Variants in USP4 observed in about 807,000 individuals in gnomAD.
USP4 encodes ubiquitin specific peptidase 4, also known as ubiquitin carboxyl-terminal hydrolase 4.
A neutral mutation model predicts 118.2 loss-of-function variants in USP4; 72 were observed. The ratio of observed to expected loss-of-function variants is 0.61; its 90% CI spans 0.50 to 0.74. USP4 has a LOEUF of 0.74. Ranked by LOEUF, USP4 falls within the 30% of genes least tolerant of loss-of-function variation. The probability of loss-of-function intolerance (pLI) is 0.00; values close to 1 mark genes in which losing one functional copy is unlikely to be tolerated. For missense variants in USP4, 1,037 were observed against 1,185.7 expected, an observed-to-expected ratio of 0.87 and a Z score of 1.84; for synonymous variants, 415 against 440.4, an observed-to-expected ratio of 0.94 and a Z score of 0.72.
chr3:49,295,714 G>GCGCACACACACACACACACACA lies in USP4; in HGVS notation c.1692-1117_1692-1116insTGTGTGTGTGTGTGTGTGTGCG, dbSNP rs149459963. On this transcript the variant is annotated intron_variant, in intron 13 of 21. Coordinates refer to ENST00000265560, the MANE Select transcript of USP4 (RefSeq NM_003363.4). ...CATATGCACGTGTGCGCGCGCGCGC[G>GCGCACACACACACACACACACA]CACACACACACACACACACACCCCC... 7.4e-4 allele frequency among the ~76,000 whole-genome samples: 110 copies of GCGCACACACACACACACACACA among 148,392 alleles called. 1 individual carries two copies. The highest frequency in any genetic ancestry group is 2.8e-3 in the African/African-American group (108 of 38,452).
chr3:49,339,033 G>C (rs968524807), intron 1 of USP4, among the ~76,000 whole-genome samples: 14 of 152,096 alleles, frequency 9.2e-5, no homozygotes, highest in African/African-American at 3.1e-4. Flanking sequence ...TGTAATCCCA[G>C]CTACTCGGGA....
intron 17 of USP4, 29 bp downstream of exon 17, chr3:49,284,820 C>T (rs767985430): frequency 5.0e-6 from 8 of 1,607,774 alleles, no homozygotes; most frequent in Middle Eastern, 1.7e-4. Context: ...CCAGCAGACA[C>T]CACCGACCAC....
intron 3 of USP4, 97 bp from the exon 4 acceptor site, chr3:49,325,942 T>C: frequency 6.9e-7 from 1 of 1,456,386 alleles, no homozygotes; most frequent in Non-Finnish European, 9.4e-7. Context: ...AGAAAACTCA[T>C]GATAATCCAT....
At chr3:49,292,682 G>T in intron 14 of USP4, 84 bp from the exon 15 acceptor site, 1 of 930,956 alleles carries the variant, frequency 1.1e-6, no homozygotes, top group Non-Finnish European at 1.6e-6. Context: ...CTAAGAAGTA[G>T]TTCATAATTT....
At chr3:49,290,356 G>A (rs1167309464) in intron 15 of USP4, among the ~76,000 whole-genome samples, 1 of 152,220 alleles carries the variant, frequency 6.6e-6, no homozygotes, top group Non-Finnish European at 1.5e-5. Context: ...TGAGGCTGCA[G>A]TAAGCCAAGA....
chr3:49,331,869 A>G lies in USP4; in HGVS notation c.229+3600T>C, dbSNP rs1454663786. 7.2e-5 allele frequency among the ~76,000 whole-genome samples: 11 copies of G among 151,782 alleles called. No homozygotes were observed. The East Asian group carries it at 2.1e-3, about 29-fold the overall frequency. On this transcript the variant is annotated intron_variant, in intron 2 of 21. Coordinates refer to ENST00000265560, the MANE Select transcript of USP4 (RefSeq NM_003363.4). ...TGAATCTGGCCGGACAGAGTGGCTC[A>G]TGCCTATAATCCCAGCACTTTGAGA...
chr3:49,281,476 G>GTGTATATA (rs750956022), intron 19 of USP4, among the ~76,000 whole-genome samples: 2 of 105,930 alleles, frequency 1.9e-5, no homozygotes, highest in African/African-American at 6.5e-5. Context: ...AAAAGTATGT[G>GTGTATATA]TATATATATA....
chr3:49,339,052 C>T (rs954855956), intron 1 of USP4, among the ~76,000 whole-genome samples: 1 of 152,164 alleles, frequency 6.6e-6, no homozygotes. Flanking sequence ...GAGGCTGAGG[C>T]AGGAGAATCG....
chr3:49,286,728 ACTAT>A (rs532011601), intron 15 of USP4, among the ~76,000 whole-genome samples: 27 of 151,986 alleles, frequency 1.8e-4, no homozygotes, highest in Non-Finnish European at 3.4e-4. Context: ...GGTAAGAAAC[ACTAT>A]CTATCTTCCA....
At chr3:49,278,957 A>G in intron 20 of USP4, 55 bp from the exon 21 acceptor site, 4 of 1,274,050 alleles carry the variant, frequency 3.1e-6, no homozygotes, top group Non-Finnish European at 4.4e-6. Context: ...TAATCTGGCT[A>G]GCTTATTAGG....
intron 4 of USP4, 42 bp downstream of exon 4, chr3:49,325,677 A>C (rs571331750): frequency 6.2e-7 from 1 of 1,608,252 alleles, no homozygotes; most frequent in Non-Finnish European, 8.5e-7. Flanking sequence ...AATGTCCTAC[A>C]CTCTCTCACC....
intron 19 of USP4, among the ~76,000 whole-genome samples, chr3:49,281,527 CACACAT>C (rs1310040612): frequency 1.0e-3 from 150 of 148,130 alleles, no homozygotes; most frequent in African/African-American, 2.6e-3. Flanking sequence ...CACACACACA[CACACAT>C]ATATACATTT....
intron 7 of USP4, among the ~76,000 whole-genome samples, chr3:49,311,177 G>T (rs962970417): frequency 4.3e-4 from 13 of 30,388 alleles, no homozygotes; most frequent in African/African-American, 9.8e-4. Flanking sequence ...AAAGGATCAC[G>T]GCCATCCACA....
chr3:49,278,496 C>A, intron 21 of USP4, 45 bp from the exon 22 acceptor site: 2 of 1,589,814 alleles, frequency 1.3e-6, no homozygotes, highest in South Asian at 1.1e-5. Flanking sequence ...TTGGAAAAAT[C>A]ACCCATTTTC....
At chr3:49,292,473 T>C in intron 15 of USP4, 37 bp downstream of exon 15, 1 of 1,339,998 alleles carries the variant, frequency 7.5e-7, no homozygotes, top group East Asian at 2.5e-5. Flanking sequence ...AGGAGGTATT[T>C]GGTCAGTCAC....
At chr3:49,337,330 A>G (rs1468607029) in intron 1 of USP4, among the ~76,000 whole-genome samples, 4 of 152,158 alleles carry the variant, frequency 2.6e-5, no homozygotes, top group Non-Finnish European at 4.4e-5. Context: ...ACACATACAC[A>G]TGTACATATA....
In USP4 at chr3:49,310,694, A is replaced by T. The variant is rs1465266413; in HGVS notation, c.880T>A (p.Ser294Thr). The part of the protein sequence containing the change: ...SASYNCQEPP[S>T]SHIQPGLCGL... ...CAGAGCCCAGGTTGTATATGAGAGG[A>T]TGGTGGCTCCTGACAATTATACGAA... The change falls in exon 8 of 22, where the codon TCC (serine) becomes ACC (threonine). Residue 294 changes from serine (S) to threonine (T), a missense_variant. Ser to Thr is a moderately conservative substitution (Grantham distance 58, BLOSUM62 1). Coordinates refer to ENST00000265560, the MANE Select transcript of USP4 (RefSeq NM_003363.4). The T allele has an allele frequency of 6.2e-7, 1 of 1,614,174 alleles. No individual in the cohort carries two copies. Among genetic ancestry groups the T allele is most frequent in the East Asian group, 2.2e-5 (1 of 44,878 alleles).
At chr3:49,339,029 C>T (rs1467347040) in intron 1 of USP4, among the ~76,000 whole-genome samples, 1 of 152,084 alleles carries the variant, frequency 6.6e-6, no homozygotes, top group South Asian at 2.1e-4. Context: ...AGCCTGTAAT[C>T]CCAGCTACTC....
At chr3:49,295,714 G>GCGCGCGCACACACACACACA (rs149459963) in intron 13 of USP4, among the ~76,000 whole-genome samples, 79 of 148,406 alleles carry the variant, frequency 5.3e-4, no homozygotes, top group African/African-American at 1.8e-3. Flanking sequence ...GCGCGCGCGC[G>GCGCGCGCACACACACACACA]CACACACACA....
Sources: allele counts gnomAD v4.1 joint callset (sites outside exome capture counted in the v4.1 genomes callset), GRCh38; gene constraint gnomAD v4.1.1; transcripts MANE v1.5; gene names NCBI Gene and HGNC (gene_info 2026-07-23, HGNC 2026-07-21).